Variants in CNTN5 observed in about 807,000 individuals in gnomAD.
The protein encoded by CNTN5 is contactin-5.
A neutral mutation model predicts 129.1 loss-of-function variants in CNTN5; 77 were observed. The ratio of observed to expected loss-of-function variants is 0.60; its 90% CI spans 0.50 to 0.72. CNTN5 has a LOEUF of 0.72. Among genes scored for constraint, CNTN5 ranks in the 30% least tolerant of loss-of-function variants. The probability of loss-of-function intolerance (pLI) is 0.00; values close to 1 mark genes in which losing one functional copy is unlikely to be tolerated. For synonymous variants in CNTN5, 509 were observed against 465.6 expected (o/e 1.09, Z -1.20); for missense variants, 1,478 against 1,328.8 (o/e 1.11, Z -1.75).
At chr11:99,481,583 C>T (rs1210944010) in intron 2 of CNTN5, among the ~76,000 whole-genome samples, 1 of 152,130 alleles carries the variant, frequency 6.6e-6, no homozygotes, top group Non-Finnish European at 1.5e-5. Flanking sequence ...AATATTAAAA[C>T]AACTTAATCA....
At chr11:99,357,493 C>CCA (rs1308406421) in intron 2 of CNTN5, among the ~76,000 whole-genome samples, 4 of 151,450 alleles carry the variant, frequency 2.6e-5, no homozygotes, top group Admixed American at 2.6e-4. Context: ...CCCACCCCCA[C>CCA]CACACACACA....
At chr11:99,976,092 A>G (rs949689443) in intron 8 of CNTN5, among the ~76,000 whole-genome samples, 1 of 152,206 alleles carries the variant, frequency 6.6e-6, no homozygotes, top group Non-Finnish European at 1.5e-5. Context: ...GGCCCCATAC[A>G]AGTCCATAAA....
intron 3 of CNTN5, among the ~76,000 whole-genome samples, chr11:99,584,230 C>T (rs532686005): frequency 8.5e-5 from 13 of 152,122 alleles, no homozygotes; most frequent in South Asian, 4.2e-4. Flanking sequence ...AGTACATTAC[C>T]GGGACATAAC....
chr11:99,995,282 T>C (rs1939369070), intron 8 of CNTN5, among the ~76,000 whole-genome samples: 1 of 151,550 alleles, frequency 6.6e-6, no homozygotes, highest in African/African-American at 2.4e-5. Context: ...CAAATCTTTG[T>C]GATAAAAACT....
At chr11:100,136,508 C>T (rs1251481778) in intron 13 of CNTN5, among the ~76,000 whole-genome samples, 2 of 151,862 alleles carry the variant, frequency 1.3e-5, no homozygotes, top group Non-Finnish European at 2.9e-5. Flanking sequence ...CTATTTTATG[C>T]TTATGTTCTT....
At chr11:99,394,790 TGGTATTC>T (rs1411690028) in intron 2 of CNTN5, among the ~76,000 whole-genome samples, 1 of 151,590 alleles carries the variant, frequency 6.6e-6, no homozygotes, top group Non-Finnish European at 1.5e-5. Flanking sequence ...TGATAACATG[TGGTATTC>T]GGTTTTCTGT....
At chr11:99,719,675 C>A (rs1297858798) in intron 3 of CNTN5, among the ~76,000 whole-genome samples, 1 of 151,714 alleles carries the variant, frequency 6.6e-6, no homozygotes, top group Non-Finnish European at 1.5e-5. Flanking sequence ...TACCAGAACA[C>A]AAGAAATAAC....
At chr11:99,203,651 G>A (rs543955791) in intron 1 of CNTN5, among the ~76,000 whole-genome samples, 4 of 152,076 alleles carry the variant, frequency 2.6e-5, no homozygotes, top group East Asian at 1.9e-4. Flanking sequence ...GTGCAATGGC[G>A]TGATCTCGGC....
chr11:100,124,992 G>C (rs1845967745), intron 13 of CNTN5, among the ~76,000 whole-genome samples: 1 of 152,036 alleles, frequency 6.6e-6, no homozygotes, highest in Non-Finnish European at 1.5e-5. Flanking sequence ...TTCTGATTCT[G>C]TAGATCTGGG....
chr11:99,997,006 T>A (rs1255850895), intron 8 of CNTN5, among the ~76,000 whole-genome samples: 2 of 152,056 alleles, frequency 1.3e-5, no homozygotes, highest in Non-Finnish European at 1.5e-5. Flanking sequence ...CCCCGACCCC[T>A]CCCAAATCTC....
intron 1 of CNTN5, among the ~76,000 whole-genome samples, chr11:99,026,456 T>C (rs1452169793): frequency 6.6e-6 from 1 of 151,650 alleles, no homozygotes; most frequent in East Asian, 1.9e-4. Flanking sequence ...ATTGAAACTC[T>C]AAGCTTCATA....
intron 3 of CNTN5, among the ~76,000 whole-genome samples, chr11:99,676,929 T>C (rs1953312802): frequency 6.6e-6 from 1 of 152,180 alleles, no homozygotes; most frequent in Non-Finnish European, 1.5e-5. Context: ...TCCCCTAACA[T>C]GCAAGGGTGT....
intron 3 of CNTN5, among the ~76,000 whole-genome samples, chr11:99,676,980 A>G (rs1953315511): frequency 6.6e-6 from 1 of 152,142 alleles, no homozygotes; most frequent in Non-Finnish European, 1.5e-5. Flanking sequence ...GTTTGACTAC[A>G]CTTTTAGAAA....
At chr11:100,047,263 T>C (rs1436167458) in intron 9 of CNTN5, among the ~76,000 whole-genome samples, 1 of 151,532 alleles carries the variant, frequency 6.6e-6, no homozygotes. Context: ...TTGAACACCA[T>C]GGTTCACTCA....
At chr11:100,011,390 C>A (rs1940524547) in intron 9 of CNTN5, among the ~76,000 whole-genome samples, 1 of 152,120 alleles carries the variant, frequency 6.6e-6, no homozygotes, top group Admixed American at 6.6e-5. Context: ...ATCAGTTTAT[C>A]CATAATGACA....
chr11:100,256,513 A>T (rs1365434391), intron 17 of CNTN5, among the ~76,000 whole-genome samples: 1 of 152,160 alleles, frequency 6.6e-6, no homozygotes, highest in Non-Finnish European at 1.5e-5. Flanking sequence ...AGCTGGCAAG[A>T]TGGCTGAATA....
chr11:99,459,103 G>A (rs1235527926), intron 2 of CNTN5, among the ~76,000 whole-genome samples: 2 of 151,886 alleles, frequency 1.3e-5, no homozygotes, highest in African/African-American at 4.8e-5. Context: ...CCTTCTTGGG[G>A]CAATAAGGAA....
chr11:99,269,883 C>G (rs1863093875), intron 1 of CNTN5, among the ~76,000 whole-genome samples: 1 of 151,728 alleles, frequency 6.6e-6, no homozygotes, highest in South Asian at 2.1e-4. Flanking sequence ...ATAATTGATA[C>G]TATGTTATTC....
intron 9 of CNTN5, among the ~76,000 whole-genome samples, chr11:100,006,114 G>A (rs765494022): frequency 3.3e-5 from 5 of 152,242 alleles, no homozygotes; most frequent in Middle Eastern, 3.4e-3. Flanking sequence ...GTAGGCAGTA[G>A]CATTTACATG....
Sources: gnomAD v4.1 joint callset for allele counts (sites outside exome capture counted in the v4.1 genomes callset) on GRCh38, gnomAD v4.1.1 for gene constraint, MANE v1.5 for transcripts, NCBI Gene and HGNC (gene_info 2026-07-23, HGNC 2026-07-21) for gene names.